LAMA2: variants seen among roughly 807,000 people sequenced by gnomAD.
LAMA2 encodes the protein laminin subunit alpha-2.
LAMA2 carries 269 observed loss-of-function variants against 364.8 expected under a neutral mutation model. The ratio of observed to expected loss-of-function variants is 0.74; its 90% CI spans 0.67 to 0.82. The LOEUF is 0.82. Among genes scored for constraint, LAMA2 ranks in the 40% least tolerant of loss-of-function variants. The probability of loss-of-function intolerance (pLI) is 0.00; values close to 1 mark genes in which losing one functional copy is unlikely to be tolerated. For missense variants in LAMA2, 3,807 were observed against 3,873.2 expected (o/e 0.98, Z 0.45); for synonymous variants, 1,379 against 1,370.6 (o/e 1.01, Z -0.14).
chr6:129,203,451 G>A (rs923843714), intron 12 of LAMA2, among the ~76,000 whole-genome samples: 5 of 152,094 alleles, frequency 3.3e-5, no homozygotes, highest in African/African-American at 7.2e-5. Flanking sequence ...TCTAAACCTG[G>A]CATTTTGTTT....
chr6:129,075,417 C>T (rs531358604), intron 3 of LAMA2, among the ~76,000 whole-genome samples: 5 of 152,052 alleles, frequency 3.3e-5, no homozygotes, highest in Admixed American at 3.3e-4. Context: ...ATGAGAAACC[C>T]GCAGTGGTAT....
At chr6:129,264,117 G>A (rs1217879839) in intron 15 of LAMA2, among the ~76,000 whole-genome samples, 1 of 152,078 alleles carries the variant, frequency 6.6e-6, no homozygotes, top group Non-Finnish European at 1.5e-5. Context: ...ATGAATAATA[G>A]GAAGGAGAAG....
intron 3 of LAMA2, among the ~76,000 whole-genome samples, chr6:129,092,095 G>A (rs920005310): frequency 6.6e-5 from 10 of 152,158 alleles, no homozygotes; most frequent in African/African-American, 2.2e-4. Context: ...ACCTACCTCG[G>A]TGAGGTTCTA....
chr6:129,121,689 C>T (rs1336307561), intron 4 of LAMA2, among the ~76,000 whole-genome samples: 1 of 152,038 alleles, frequency 6.6e-6, no homozygotes, highest in Non-Finnish European at 1.5e-5. Flanking sequence ...CTTTCTAATA[C>T]CTTATAAACA....
rs1235908212 is a variant in LAMA2, at chr6:128,929,571, G to C, written c.112+46214G>C. 3 of 1,084,100 alleles carry C rather than the reference G, an allele frequency of 2.8e-6. No individual in the cohort carries two copies. In the African/African-American group the frequency reaches 4.6e-5, roughly 17 times the overall value. 67.2% of individuals were successfully genotyped at this position (1,084,100 alleles called of 1,614,324 possible). ...AATTATCTCCATAGTCATGAGACTTGATCCTGCAGTTCTGGAGCCCCAGAT... is the reference window on the plus strand; with the variant it reads ...AATTATCTCCATAGTCATGAGACTTCATCCTGCAGTTCTGGAGCCCCAGAT... On this transcript the variant is annotated intron_variant, in intron 1 of 64. Transcript: ENST00000421865.
Position 129,464,403 on chromosome 6 carries a change from G to T in LAMA2, c.7106G>T (p.Arg2369Ile), listed in dbSNP as rs1436548415. ...ATCTCCACTGTCATGTTCAAGTTCA[G>T]AACATTTTCTTCGAGTGCTCTTCTG... The part of the protein sequence containing the change: ...PNISTVMFKF[R>I]TFSSSALLMY... The change falls in exon 50 of 65, where the codon AGA (arginine) becomes ATA (isoleucine). Residue 2369 changes from arginine (R) to isoleucine (I), a missense_variant. Arg to Ile is a moderately conservative substitution (Grantham distance 97). This residue lies in a region of LAMA2 where 3,333 missense variants were observed against 3,345.7 expected (regional missense o/e 1.00). Coordinates refer to ENST00000421865, the MANE Select transcript of LAMA2 (RefSeq NM_000426.4). 6.2e-7 allele frequency: 1 copy of T among 1,612,406 alleles called. No individual in the cohort carries two copies. Among genetic ancestry groups the T allele is most frequent in the Non-Finnish European group, 8.5e-7 (1 of 1,178,842 alleles).
intron 9 of LAMA2, among the ~76,000 whole-genome samples, chr6:129,167,091 C>T (rs1444952362): frequency 6.6e-6 from 1 of 151,986 alleles, no homozygotes; most frequent in Non-Finnish European, 1.5e-5. Flanking sequence ...TAATAAGTGT[C>T]CTCTTCAACC....
intron 19 of LAMA2, among the ~76,000 whole-genome samples, chr6:129,289,131 A>G (rs776974788): frequency 6.6e-6 from 1 of 152,226 alleles, no homozygotes; most frequent in Non-Finnish European, 1.5e-5. Context: ...ATCAAAACCA[A>G]ATCACTTTCT....
At position 129,189,123 on chromosome 6, in the gene LAMA2, T is replaced by C. The variant is rs143752957; in HGVS notation, c.1468-1082T>C. On this transcript the variant is annotated intron_variant, in intron 10 of 64. Transcript: ENST00000421865. ...AGAATTTCTACCTCTGAATAGATTA[T>C]GGTAGATAGCTAGAGAGAACAATCT... Among the ~76,000 whole-genome samples the C allele has an allele frequency of 1.1e-4, 16 of 152,184 alleles. No homozygotes were observed. The East Asian group carries it at 3.1e-3, about 29-fold the overall frequency.
At chr6:129,471,869 T>C (rs1006706414) in intron 51 of LAMA2, among the ~76,000 whole-genome samples, 1 of 151,956 alleles carries the variant, frequency 6.6e-6, no homozygotes, top group Non-Finnish European at 1.5e-5. Flanking sequence ...ATTTTAGTCC[T>C]TTTTTAATAA....
At chr6:129,440,085 G>T (rs1359798997) in intron 42 of LAMA2, among the ~76,000 whole-genome samples, 3 of 151,936 alleles carry the variant, frequency 2.0e-5, no homozygotes. Context: ...GATACTGAAG[G>T]CCATTGTTAA....
intron 1 of LAMA2, among the ~76,000 whole-genome samples, chr6:128,958,781 A>C (rs545253189): frequency 3.6e-4 from 55 of 152,128 alleles, no homozygotes; most frequent in Non-Finnish European, 7.4e-4. Flanking sequence ...AAAAAGTTGC[A>C]ATTCTTCCAT....
intron 12 of LAMA2, among the ~76,000 whole-genome samples, chr6:129,215,754 TTAATC>T (rs1487181450): frequency 6.6e-6 from 1 of 152,144 alleles, no homozygotes; most frequent in African/African-American, 2.4e-5. Flanking sequence ...TCATGATTCT[TTAATC>T]TAATAACTCA....
At chr6:128,921,710 T>TG (rs1562832021) in intron 1 of LAMA2, among the ~76,000 whole-genome samples, 1,603 of 148,172 alleles carry the variant, frequency 0.011, 42 homozygotes, top group African/African-American at 0.04. Context: ...TTTTTTTTTT[T>TG]TTTATTATTA....
At chr6:129,167,305 T>TC (rs1441355619) in intron 9 of LAMA2, among the ~76,000 whole-genome samples, 3 of 90,422 alleles carry the variant, frequency 3.3e-5, no homozygotes, top group Non-Finnish European at 6.4e-5. Flanking sequence ...ATGCTATCCC[T>TC]CCCCCCTCCC....
At chr6:129,458,812 A>C (rs1306141955) in intron 48 of LAMA2, among the ~76,000 whole-genome samples, 3 of 151,962 alleles carry the variant, frequency 2.0e-5, no homozygotes, top group Non-Finnish European at 4.4e-5. Context: ...TTGTGCAAGT[A>C]CTGTACAGTC....
Position 129,192,694 on chromosome 6 carries a change from T to A in LAMA2, c.1623T>A (p.Ser541Arg), listed in dbSNP as rs1344650184. 7 of 1,613,912 alleles carry A rather than the reference T, an allele frequency of 4.3e-6. No homozygotes were observed. The highest frequency in any genetic ancestry group is 5.9e-6 in the Non-Finnish European group (7 of 1,179,946). ...TTTTCTCTAAGATACAAGATATGAG[T>A]GGCTGGTATCTGACTGACCTTCCTG... ...YWTYGKIQDM[S>R]GWYLTDLPGR... Residue 541 changes from serine (S) to arginine (R), a missense_variant, in exon 12 of 65, where the codon AGT (serine) becomes AGA (arginine). Coordinates refer to ENST00000421865, the MANE Select transcript of LAMA2 (RefSeq NM_000426.4).
intron 1 of LAMA2, among the ~76,000 whole-genome samples, chr6:129,013,217 C>T (rs1408872642): frequency 1.3e-5 from 2 of 152,106 alleles, no homozygotes; most frequent in Admixed American, 6.5e-5. Flanking sequence ...GGGCGGATCA[C>T]GAGGTCAGGA....
At chr6:128,889,206 T>A (rs1388507916) in intron 1 of LAMA2, among the ~76,000 whole-genome samples, 1 of 152,210 alleles carries the variant, frequency 6.6e-6, no homozygotes, top group Non-Finnish European at 1.5e-5. Context: ...CAAAAATGAA[T>A]TATTCACAAT....
Sources: allele counts gnomAD v4.1 joint callset (sites outside exome capture counted in the v4.1 genomes callset), GRCh38; gene constraint gnomAD v4.1.1; regional missense constraint gnomAD v4.1.1; transcripts MANE v1.5; gene names NCBI Gene and HGNC (gene_info 2026-07-23, HGNC 2026-07-21).